CATSPERG: variants seen among roughly 807,000 people sequenced by gnomAD.
CATSPERG encodes catsper channel auxiliary subunit gamma, also known as cation channel sperm-associated auxiliary subunit gamma.
A neutral mutation model predicts 145.0 loss-of-function variants in CATSPERG; 115 were observed. The observed-to-expected ratio is 0.79, with a 90% confidence interval of 0.68 to 0.93. The LOEUF (loss-of-function observed/expected upper bound fraction) is 0.93. Among genes scored for constraint, CATSPERG ranks in the 40% least tolerant of loss-of-function variants. The pLI, the probability that CATSPERG is intolerant of heterozygous loss-of-function variation, is 0.00. For synonymous variants in CATSPERG, 588 were observed against 589.0 expected, an observed-to-expected ratio of 1.00 and a Z score of 0.02; for missense variants, 1,296 against 1,490.1, an observed-to-expected ratio of 0.87 and a Z score of 2.14.
intron 1 of CATSPERG, 131 bp from the exon 2 acceptor site, chr19:38,337,090 C>T: frequency 8.9e-7 from 1 of 1,128,476 alleles, no homozygotes; most frequent in Non-Finnish European, 1.2e-6. Context: ...AGTGCAGGGG[C>T]GGGGCCAGGA....
In CATSPERG at chr19:38,356,734, CCT is replaced by C. The variant is rs1183466263; in HGVS notation, c.1196-4_1196-3del. 4 of 1,613,972 alleles carry C rather than the reference CCT, an allele frequency of 2.5e-6. No individual in the cohort carries two copies. The highest frequency in any genetic ancestry group is 3.4e-6 in the Non-Finnish European group (4 of 1,179,932). On this transcript the variant is annotated splice_region_variant and splice_polypyrimidine_tract_variant and intron_variant, in intron 10 of 28. Coordinates refer to ENST00000409235, the MANE Select transcript of CATSPERG (RefSeq NM_021185.5). ...GGGGCGGCTCTGGACTGCCCCTTTCCCTCTCAGTTACCACCTGCTCCATAATT... is the reference window on the plus strand; with the variant it reads ...GGGGCGGCTCTGGACTGCCCCTTTCCCTCAGTTACCACCTGCTCCATAATT...
At chr19:38,358,149 C>T in intron 11 of CATSPERG, 129 bp from the exon 12 acceptor site, 1 of 825,516 alleles carries the variant, frequency 1.2e-6, no homozygotes, top group Non-Finnish European at 2.0e-6. Flanking sequence ...ACTCTAAGGA[C>T]TAGCAAACCC....
rs757737200 is a variant in CATSPERG at position 38,367,672 on chromosome 19, C to T, written c.2835-9C>T. 2 of 1,613,968 alleles carry T rather than the reference C, an allele frequency of 1.2e-6. No homozygotes were observed. The highest frequency in any genetic ancestry group is 1.7e-5 in the Admixed American group (1 of 60,022). ...GAGGCCAGTCTGTGTGCACTTCTGT[C>T]CCTGGTAGCTATGTTCTGCTGGTGG... On this transcript the variant is annotated splice_polypyrimidine_tract_variant and intron_variant, in intron 24 of 28. Transcript: ENST00000409235.
rs747398451 is a variant in CATSPERG at position 38,359,458 on chromosome 19, C to G, written c.1497-12C>G. On this transcript the variant is annotated splice_polypyrimidine_tract_variant and intron_variant, in intron 13 of 28. Transcript: ENST00000409235. ...CCAGCATGCGCCTAGCTCTCCATCT[C>G]TGTCCCTGCAGCTCTAACAAGGAAA... 6.3e-7 allele frequency: 1 copy of G among 1,588,220 alleles called. No individual in the cohort carries two copies. Among genetic ancestry groups the G allele is most frequent in the Non-Finnish European group, 8.6e-7 (1 of 1,156,678 alleles).
At chr19:38,342,944 G>A (rs969006741) in intron 3 of CATSPERG, among the ~76,000 whole-genome samples, 6 of 151,912 alleles carry the variant, frequency 3.9e-5, no homozygotes, top group African/African-American at 1.5e-4. Context: ...CTGTGTAATC[G>A]CCCCATCCTA....
chr19:38,344,274 C>G (rs1267454982), intron 5 of CATSPERG, 22 bp from the exon 6 acceptor site: 1 of 1,550,802 alleles, frequency 6.4e-7, no homozygotes, highest in South Asian at 1.2e-5. Context: ...CTCACCTGCG[C>G]CTATTCTGCA....
intron 7 of CATSPERG, among the ~76,000 whole-genome samples, chr19:38,347,143 T>C (rs534519215): frequency 2.0e-5 from 3 of 152,208 alleles, no homozygotes; most frequent in East Asian, 3.9e-4. Flanking sequence ...CCTGGGACTT[T>C]GAGGCTGCAG....
At chr19:38,358,218 G>A in intron 11 of CATSPERG, 60 bp from the exon 12 acceptor site, 2 of 1,566,610 alleles carry the variant, frequency 1.3e-6, no homozygotes, top group South Asian at 2.2e-5. Flanking sequence ...ACTTGCTCCA[G>A]CTCCAGGTTT....
intron 1 of CATSPERG, chr19:38,336,354 C>T: frequency 3.5e-6 from 1 of 289,128 alleles, no homozygotes. Flanking sequence ...TACCAGAGGG[C>T]GGGACGGGGC....
Position 38,354,695 on chromosome 19 carries a change from T to C in CATSPERG, c.998-15T>C, listed in dbSNP as rs749957496. The stretch of plus-strand genomic sequence containing the variant: ...CCAACCACCTGGGTCTGAGGCCCCA[T>C]ACTGACTTCACTAGGCAGTTGGATT... On this transcript the variant is annotated splice_polypyrimidine_tract_variant and intron_variant, in intron 8 of 28. Transcript: ENST00000409235. 4.3e-6 allele frequency: 7 copies of C among 1,613,484 alleles called. No individual in the cohort carries two copies. Among genetic ancestry groups the C allele is most frequent in the Non-Finnish European group, 5.9e-6 (7 of 1,179,560 alleles).
At chr19:38,347,475 C>T (rs1970060079) in intron 7 of CATSPERG, among the ~76,000 whole-genome samples, 1 of 152,196 alleles carries the variant, frequency 6.6e-6, no homozygotes, top group Non-Finnish European at 1.5e-5. Context: ...TTGCAATATA[C>T]ATCTCTGCCC....
chr19:38,356,943 T>C, intron 11 of CATSPERG, 82 bp downstream of exon 11: 1 of 1,554,590 alleles, frequency 6.4e-7, no homozygotes, highest in Admixed American at 1.8e-5. Flanking sequence ...GAGGGATCTG[T>C]GCCCAGCAGA....
rs760632891 is a variant in CATSPERG at position 38,358,443 on chromosome 19, G to C, written c.1378G>C (p.Glu460Gln). The C allele has an allele frequency of 5.0e-6, 8 of 1,614,074 alleles. No individual in the cohort carries two copies. Among genetic ancestry groups the C allele is most frequent in the Non-Finnish European group, 6.8e-6 (8 of 1,180,026 alleles). ...TCTGCTCCGGTCAGCTCGAGGATTGGAGTTCCTGATGATCCTAGGGACAGA... is the reference window on the plus strand; with the variant it reads ...TCTGCTCCGGTCAGCTCGAGGATTGCAGTTCCTGATGATCCTAGGGACAGA... ...PEFIPEARGLEFLMILGTESY... is the reference protein window; with the variant it reads ...PEFIPEARGLQFLMILGTESY... Residue 460 changes from glutamate (E) to glutamine (Q), a missense_variant, in exon 13 of 29, where the codon GAG (glutamate) becomes CAG (glutamine). Transcript: ENST00000409235.
Position 38,356,481 on chromosome 19 carries a change from C to T in CATSPERG, c.1136-3C>T. On this transcript the variant is annotated splice_region_variant and splice_polypyrimidine_tract_variant and intron_variant, in intron 9 of 28. Transcript: ENST00000409235. ...TGAACATGAACCCGACCTTGCTCTG[C>T]AGATGGCCAGGTGTCCTTTGAGATG... is the stretch of plus-strand genomic sequence containing the variant. 6.2e-7 allele frequency: 1 copy of T among 1,613,906 alleles called. No individual in the cohort carries two copies. Among genetic ancestry groups the T allele is most frequent in the African/African-American group, 1.3e-5 (1 of 75,008 alleles).
rs368185071 is a variant in CATSPERG at position 38,364,261 on chromosome 19, C to T, written c.2476-630C>T. Among the ~76,000 whole-genome samples the T allele has an allele frequency of 2.5e-3, 376 of 151,974 alleles. 9 individuals carry two copies. The East Asian group carries it at 0.048, about 20-fold the overall frequency. On this transcript the variant is annotated intron_variant, in intron 20 of 28. Coordinates refer to ENST00000409235, the MANE Select transcript of CATSPERG (RefSeq NM_021185.5). ...TTTCTCAGACGGGGCGGTTGCCAGG[C>T]GGAGGGTCTCCTCACTTCTCAGACA... is the stretch of plus-strand genomic sequence containing the variant.
chr19:38,354,826 G>T lies in CATSPERG; in HGVS notation c.1114G>T (p.Val372Leu). 1 of 1,614,144 alleles carries T rather than the reference G, an allele frequency of 6.2e-7. No homozygotes were observed. The highest frequency in any genetic ancestry group is 8.5e-7 in the Non-Finnish European group (1 of 1,180,002). Residue 372 changes from valine to leucine, a missense_variant, in exon 9 of 29, where the codon GTA (valine) becomes TTA (leucine). Transcript: ENST00000409235. Reference protein sequence around the residue: ...ALTTGKHEGYVHFGTIRDGQV... With the variant: ...ALTTGKHEGYLHFGTIRDGQV... ...CACCACGGGCAAGCATGAGGGTTAT[G>T]TACACTTCGGGACCATCAGAGGTAA...
At chr19:38,367,946 C>A in intron 25 of CATSPERG, 102 bp from the exon 26 acceptor site, 1 of 1,201,786 alleles carries the variant, frequency 8.3e-7, no homozygotes, top group Non-Finnish European at 1.2e-6. Context: ...AACACCATGT[C>A]CCCTGCACCC....
chr19:38,349,648 T>TTTTTTTTG, intron 7 of CATSPERG: 1 of 149,884 alleles, frequency 6.7e-6, no homozygotes, highest in South Asian at 2.0e-4. Context: ...CATTGTTTTT[T>TTTTTTTTG]TTTGTTTGTT....
At chr19:38,354,469 G>T (rs1025502902) in intron 8 of CATSPERG, among the ~76,000 whole-genome samples, 1 of 152,198 alleles carries the variant, frequency 6.6e-6, no homozygotes, top group African/African-American at 2.4e-5. Flanking sequence ...AATCATTGTG[G>T]CCTAGGGAGT....
Sources: gnomAD v4.1 joint callset for allele counts (sites outside exome capture counted in the v4.1 genomes callset) on GRCh38, gnomAD v4.1.1 for gene constraint, MANE v1.5 for transcripts, NCBI Gene and HGNC (gene_info 2026-07-23, HGNC 2026-07-21) for gene names.